Variants in MAML3 observed in about 807,000 individuals in gnomAD.
MAML3 encodes mastermind-like protein 3.
A neutral mutation model predicts 101.9 loss-of-function variants in MAML3; 27 were observed. The ratio of observed to expected loss-of-function variants is 0.27; its 90% CI spans 0.20 to 0.37. MAML3 has a LOEUF of 0.37. Ranked by LOEUF, MAML3 falls within the 10% of genes least tolerant of loss-of-function variation. MAML3 has a pLI of 1.00. For synonymous variants in MAML3, 501 were observed against 555.9 expected (o/e 0.90, Z 1.39); for missense variants, 1,316 against 1,444.9 (o/e 0.91, Z 1.45).
intron 1 of MAML3, among the ~76,000 whole-genome samples, chr4:139,906,666 G>A (rs551466954): frequency 2.6e-5 from 4 of 152,276 alleles, no homozygotes; most frequent in Admixed American, 6.5e-5. Flanking sequence ...CATTGTAAAC[G>A]TACTGTAAAA....
chr4:139,738,506 G>A (rs567556631), intron 2 of MAML3, among the ~76,000 whole-genome samples: 1 of 152,194 alleles, frequency 6.6e-6, no homozygotes, highest in Non-Finnish European at 1.5e-5. Context: ...TTGCACCACT[G>A]CACTCCAGCC....
In MAML3 at chr4:139,785,140, C is replaced by T. The variant is rs750609510; in HGVS notation, c.2080-54473G>A. On this transcript the variant is annotated intron_variant, in intron 2 of 4. Transcript: ENST00000509479. This position sits in a 1 kb window ranked among gnomAD's most constrained non-coding sequence, Gnocchi z 4.3. ...ACACAAACACTCATGAGGCCAGGGCCGATACCTGGATTCCTAACTGACAGA... is the reference window on the plus strand; with the variant it reads ...ACACAAACACTCATGAGGCCAGGGCTGATACCTGGATTCCTAACTGACAGA... Among the ~76,000 whole-genome samples the T allele has an allele frequency of 3.9e-5, 6 of 152,186 alleles. No individual in the cohort carries two copies. The highest frequency in any genetic ancestry group is 7.3e-5 in the Non-Finnish European group (5 of 68,042).
intron 1 of MAML3, among the ~76,000 whole-genome samples, chr4:139,945,060 C>A (rs953421608): frequency 1.3e-5 from 2 of 152,188 alleles, no homozygotes; most frequent in Non-Finnish European, 2.9e-5. Flanking sequence ...AAATGTCCAA[C>A]AATGAAAGAC....
At chr4:140,151,384 TGG>T (rs1368950328) in intron 1 of MAML3, among the ~76,000 whole-genome samples, 5 of 138,626 alleles carry the variant, frequency 3.6e-5, no homozygotes, top group Non-Finnish European at 7.8e-5. Flanking sequence ...ACGTGCGGGG[TGG>T]GGGGACGTGG....
At chr4:139,792,784 A>C (rs959451548) in intron 2 of MAML3, among the ~76,000 whole-genome samples, 7 of 146,910 alleles carry the variant, frequency 4.8e-5, no homozygotes, top group Admixed American at 4.1e-4. Context: ...TTGCTCTGTC[A>C]CCCAGGCTGG....
intron 2 of MAML3, among the ~76,000 whole-genome samples, chr4:139,847,587 T>C (rs1418475634): frequency 6.6e-6 from 1 of 152,216 alleles, no homozygotes; most frequent in African/African-American, 2.4e-5. Context: ...AAAGTGCCAT[T>C]GCTAGCACTA....
intron 2 of MAML3, among the ~76,000 whole-genome samples, chr4:139,788,441 G>C (rs1730345074): frequency 6.6e-6 from 1 of 152,084 alleles, no homozygotes; most frequent in Non-Finnish European, 1.5e-5. Flanking sequence ...GTCACATCCT[G>C]TCTCCAGTTC....
At chr4:139,857,966 G>A (rs1221066209) in intron 2 of MAML3, among the ~76,000 whole-genome samples, 1 of 152,148 alleles carries the variant, frequency 6.6e-6, no homozygotes, top group African/African-American at 2.4e-5. Context: ...GTGGTCTGAC[G>A]AGTGCAGTCA....
chr4:139,784,928 C>T (rs549859093), intron 2 of MAML3, among the ~76,000 whole-genome samples: 4 of 151,564 alleles, frequency 2.6e-5, no homozygotes, highest in Admixed American at 6.6e-5. Flanking sequence ...ACATTGGAGA[C>T]GAGGAGGGGT....
rs1728112894 is a variant in MAML3 at position 139,719,077 on chromosome 4, G to A, written c.*246C>T. 4 of 480,272 alleles carry A rather than the reference G, an allele frequency of 8.3e-6. No homozygotes were observed. The highest frequency in any genetic ancestry group is 3.9e-5 in the African/African-American group (2 of 51,086). 29.8% of individuals were successfully genotyped at this position (480,272 alleles called of 1,614,324 possible). ...TTCATCTTCCCACCTGCTCCTCCGGGTGTCTCCCTCTCTCGCAGCCGGGAT... is the reference window on the plus strand; with the variant it reads ...TTCATCTTCCCACCTGCTCCTCCGGATGTCTCCCTCTCTCGCAGCCGGGAT... On this transcript the variant is annotated 3_prime_UTR_variant, in exon 5 of 5. Transcript: ENST00000509479.
chr4:139,798,453 G>A (rs1258389580), intron 2 of MAML3, among the ~76,000 whole-genome samples: 1 of 152,138 alleles, frequency 6.6e-6, no homozygotes, highest in Non-Finnish European at 1.5e-5. Flanking sequence ...GTCCAAAGTT[G>A]TCAGGCAATA....
chr4:140,008,111 A>G (rs1726487115), intron 1 of MAML3, among the ~76,000 whole-genome samples: 1 of 152,184 alleles, frequency 6.6e-6, no homozygotes, highest in African/African-American at 2.4e-5. Flanking sequence ...TTGGGAGGCC[A>G]AGGTGGGCAG....
chr4:139,868,344 T>G (rs1292352972), intron 2 of MAML3, among the ~76,000 whole-genome samples: 1 of 152,228 alleles, frequency 6.6e-6, no homozygotes, highest in Non-Finnish European at 1.5e-5. Flanking sequence ...ATAGGATCAT[T>G]CAAGATTCAT....
intron 2 of MAML3, among the ~76,000 whole-genome samples, chr4:139,832,262 G>A (rs984811615): frequency 1.1e-4 from 17 of 150,344 alleles, no homozygotes; most frequent in Non-Finnish European, 2.4e-4. Context: ...GTGCCACTAC[G>A]CCCAGCTATT....
chr4:139,732,382 C>A (rs1418935730), intron 2 of MAML3, among the ~76,000 whole-genome samples: 1 of 152,082 alleles, frequency 6.6e-6, no homozygotes, highest in Non-Finnish European at 1.5e-5. Flanking sequence ...TGACTGACTT[C>A]AACTGCATCT....
intron 2 of MAML3, among the ~76,000 whole-genome samples, chr4:139,878,838 G>T (rs1044799320): frequency 3.3e-5 from 5 of 152,200 alleles, no homozygotes; most frequent in African/African-American, 1.2e-4. Context: ...CCCGAAAGAG[G>T]CCCTACATAA....
intron 2 of MAML3, among the ~76,000 whole-genome samples, chr4:139,846,316 T>C (rs774225462): frequency 6.6e-6 from 1 of 152,096 alleles, no homozygotes; most frequent in Non-Finnish European, 1.5e-5. Context: ...ATAGTTTAAA[T>C]ATTATTTTAT....
At chr4:139,781,599 G>A (rs1446142297) in intron 2 of MAML3, among the ~76,000 whole-genome samples, 1 of 151,340 alleles carries the variant, frequency 6.6e-6, no homozygotes, top group Non-Finnish European at 1.5e-5. Flanking sequence ...CATTAGGCAG[G>A]ATTAACTATT....
intron 1 of MAML3, among the ~76,000 whole-genome samples, chr4:139,946,925 A>ACACACACTCT: frequency 1.5e-5 from 1 of 68,202 alleles, no homozygotes; most frequent in South Asian, 4.3e-4. Context: ...ACACACACAC[A>ACACACACTCT]CTCTCTCTCT....
Sources: gnomAD v4.1 joint callset for allele counts (sites outside exome capture counted in the v4.1 genomes callset) on GRCh38, gnomAD v4.1.1 for gene constraint, Gnocchi (gnomAD v3.1) non-coding constraint, MANE v1.5 for transcripts, NCBI Gene and HGNC (gene_info 2026-07-23, HGNC 2026-07-21) for gene names.